Variants in KCNG2 observed in about 807,000 individuals in gnomAD.
KCNG2 encodes potassium voltage-gated channel modifier subfamily G member 2, also known as voltage-gated potassium channel regulatory subunit KCNG2.
In KCNG2, 7 loss-of-function variants were observed where a neutral mutation model predicts 12.3. That is an observed-to-expected ratio of 0.57 (90% confidence interval 0.32 to 1.07). KCNG2 has a LOEUF of 1.07. Ranked by LOEUF, KCNG2 falls within the 50% of genes least tolerant of loss-of-function variation. KCNG2 has a pLI of 0.04. For synonymous variants in KCNG2, 414 were observed against 351.4 expected, an observed-to-expected ratio of 1.18 and a Z score of -1.99; for missense variants, 703 against 726.0, an observed-to-expected ratio of 0.97 and a Z score of 0.36.
intron 3 of KCNG2, among the ~76,000 whole-genome samples, chr18:79,881,520 T>C (rs141818409): frequency 1.3e-5 from 2 of 152,222 alleles, no homozygotes; most frequent in African/African-American, 2.4e-5. Context: ...AAACCATGAA[T>C]TGCTTACATG....
chr18:79,842,930 G>A (rs1204756571), intron 1 of KCNG2, among the ~76,000 whole-genome samples: 1 of 152,122 alleles, frequency 6.6e-6, no homozygotes, highest in Non-Finnish European at 1.5e-5. Flanking sequence ...GGGGAAGAAA[G>A]CTTATTTAAA....
At position 79,884,026 on chromosome 18, in the gene KCNG2, C is replaced by T. The variant is rs1176544315; in HGVS notation, c.625-15014C>T. The stretch of plus-strand genomic sequence containing the variant: ...CGTCTAGCCAGTCCCCACGTCCTGA[C>T]GTTTCTATCCCAACCCCCGCCCTGC... On this transcript the variant is annotated intron_variant, in intron 3 of 3. Transcript: ENST00000316249. The surrounding 1 kb of genome is among the most constrained non-coding windows in gnomAD (Gnocchi z 5.5). Among the ~76,000 whole-genome samples the T allele has an allele frequency of 6.6e-6, 1 of 151,182 alleles. No individual in the cohort carries two copies. Among genetic ancestry groups the T allele is most frequent in the Non-Finnish European group, 1.5e-5 (1 of 67,792 alleles).
chr18:79,844,701 G>A (rs1978565511), intron 1 of KCNG2, among the ~76,000 whole-genome samples: 1 of 152,200 alleles, frequency 6.6e-6, no homozygotes, highest in African/African-American at 2.4e-5. Flanking sequence ...AATACAATAA[G>A]ATGTCACCAC....
chr18:79,858,820 CTAATGA>C (rs1309286617), intron 2 of KCNG2, among the ~76,000 whole-genome samples: 2 of 152,122 alleles, frequency 1.3e-5, no homozygotes, highest in Non-Finnish European at 2.9e-5. Context: ...TCCATAATGA[CTAATGA>C]TATTGATCAC....
chr18:79,867,648 G>A (rs1019727242), intron 3 of KCNG2, among the ~76,000 whole-genome samples: 26 of 152,024 alleles, frequency 1.7e-4, no homozygotes, highest in Non-Finnish European at 3.2e-4. Context: ...TGTTGCCAGA[G>A]GGTGACATTC....
At chr18:79,821,014 T>C (rs2087566137) in intron 1 of KCNG2, among the ~76,000 whole-genome samples, 1 of 152,184 alleles carries the variant, frequency 6.6e-6, no homozygotes, top group Non-Finnish European at 1.5e-5. Context: ...CATTATATGT[T>C]CTTGATATTA....
intron 1 of KCNG2, among the ~76,000 whole-genome samples, chr18:79,838,319 C>A (rs1357239472): frequency 6.6e-6 from 1 of 151,892 alleles, no homozygotes; most frequent in African/African-American, 2.4e-5. Flanking sequence ...GTTCTCTGAG[C>A]ATAATGGAAT....
At position 79,827,737 on chromosome 18, in the gene KCNG2, T is replaced by C. The variant is rs565604217; in HGVS notation, c.-114-28642T>C. 1.8e-3 allele frequency among the ~76,000 whole-genome samples: 272 copies of C among 152,286 alleles called. 2 individuals are homozygous for C. The highest frequency in any genetic ancestry group is 6.3e-3 in the African/African-American group (260 of 41,560). ...CCACCCAGTGCCGCAGCTCTGGAAA[T>C]GCAGCTTGGTGGGCTGGACCCAAGT... is the stretch of plus-strand genomic sequence containing the variant. On this transcript the variant is annotated intron_variant, in intron 1 of 3. Coordinates refer to ENST00000316249, the MANE Select transcript of KCNG2 (RefSeq NM_012283.2).
chr18:79,891,051 T>G (rs2088429515), intron 3 of KCNG2, among the ~76,000 whole-genome samples: 1 of 152,198 alleles, frequency 6.6e-6, no homozygotes, highest in Non-Finnish European at 1.5e-5. Flanking sequence ...GTCTTCTGTT[T>G]CATTAATTCC....
Position 79,899,057 on chromosome 18 carries a change from G to A in KCNG2, c.642G>A (p.Lys214=). The A allele has an allele frequency of 2.5e-6, 4 of 1,573,322 alleles. No homozygotes were observed. The highest frequency in any genetic ancestry group is 3.4e-6 in the Non-Finnish European group (4 of 1,162,908). The change falls in exon 4 of 4, where the codon AAG becomes AAA. Residue 214 remains lysine (K), a synonymous_variant. Transcript: ENST00000316249. Reference sequence around the variant, plus strand: ...CCCCGCAGGGCGAGTGCTCCCCCAAGTGCCGCAGCCTGTTCGTGCTGGAGA... The same window carrying A: ...CCCCGCAGGGCGAGTGCTCCCCCAAATGCCGCAGCCTGTTCGTGCTGGAGA... The part of the protein sequence containing the change: ...AEEERGECSP[K]CRSLFVLETV...
At chr18:79,881,843 G>A (rs553568102) in intron 3 of KCNG2, among the ~76,000 whole-genome samples, 2 of 152,368 alleles carry the variant, frequency 1.3e-5, no homozygotes, top group East Asian at 1.9e-4. Context: ...TGAAGCCACA[G>A]CAGGACAGTG....
In KCNG2 at chr18:79,884,541, G is replaced by C. The variant is rs2123115245; in HGVS notation, c.625-14499G>C. Among the ~76,000 whole-genome samples the C allele has an allele frequency of 6.7e-6, 1 of 148,816 alleles. No homozygotes were observed. Among genetic ancestry groups the C allele is most frequent in the East Asian group, 2.2e-4 (1 of 4,492 alleles). Reference sequence around the variant, plus strand: ...TGTCCCGATGCAGTGGAGGAGCAGGGCTGGGTCTGGGCCTGGGCCTGGGCG... The same window carrying C: ...TGTCCCGATGCAGTGGAGGAGCAGGCCTGGGTCTGGGCCTGGGCCTGGGCG... On this transcript the variant is annotated intron_variant, in intron 3 of 3. Coordinates refer to ENST00000316249, the MANE Select transcript of KCNG2 (RefSeq NM_012283.2). This position sits in a 1 kb window ranked among gnomAD's most constrained non-coding sequence, Gnocchi z 5.5.
chr18:79,846,368 C>G (rs1568254080), intron 1 of KCNG2, among the ~76,000 whole-genome samples: 2 of 121,732 alleles, frequency 1.6e-5, no homozygotes. Context: ...GAGCGAGACT[C>G]CGTCTCAAAA....
chr18:79,870,223 C>A (rs1016084604), intron 3 of KCNG2, among the ~76,000 whole-genome samples: 1 of 152,382 alleles, frequency 6.6e-6, no homozygotes, highest in Non-Finnish European at 1.5e-5. Flanking sequence ...AACATACAGA[C>A]GGGATCACGA....
intron 3 of KCNG2, among the ~76,000 whole-genome samples, chr18:79,873,802 G>A (rs1465930391): frequency 3.3e-5 from 5 of 152,250 alleles, no homozygotes; most frequent in Non-Finnish European, 5.9e-5. Flanking sequence ...GCCAGGAGGC[G>A]CCTGGGACTT....
At chr18:79,845,402 C>T (rs1051914384) in intron 1 of KCNG2, among the ~76,000 whole-genome samples, 7 of 152,066 alleles carry the variant, frequency 4.6e-5, no homozygotes, top group Admixed American at 2.6e-4. Flanking sequence ...GAGGCTACCA[C>T]GGGGAAAACT....
chr18:79,895,569 A>G (rs963605839), intron 3 of KCNG2, among the ~76,000 whole-genome samples: 4 of 151,962 alleles, frequency 2.6e-5, no homozygotes, highest in African/African-American at 9.7e-5. Flanking sequence ...TGATTGATAT[A>G]GTTGGGTCTG....
At chr18:79,805,118 T>G (rs2087439060) in intron 1 of KCNG2, among the ~76,000 whole-genome samples, 1 of 152,260 alleles carries the variant, frequency 6.6e-6, no homozygotes, top group South Asian at 2.1e-4. Flanking sequence ...CAAATACCAC[T>G]GTCATGGACG....
intron 3 of KCNG2, among the ~76,000 whole-genome samples, chr18:79,890,171 T>G (rs1368399681): frequency 6.6e-6 from 1 of 152,216 alleles, no homozygotes. Flanking sequence ...GGTTTTCTTG[T>G]GATACTTCAT....
Sources: allele counts gnomAD v4.1 joint callset (sites outside exome capture counted in the v4.1 genomes callset), GRCh38; gene constraint gnomAD v4.1.1; non-coding constraint Gnocchi (gnomAD v3.1); transcripts MANE v1.5; gene names NCBI Gene and HGNC (gene_info 2026-07-23, HGNC 2026-07-21).